The following AHSA1 variants were observed in gnomAD, a reference collection of about 807,000 sequenced individuals.
AHSA1 encodes the protein activator of 90 kDa heat shock protein ATPase homolog 1.
AHSA1 carries 14 observed loss-of-function variants against 46.1 expected under a neutral mutation model. The ratio of observed to expected loss-of-function variants is 0.30; its 90% CI spans 0.20 to 0.47. The LOEUF is 0.47. AHSA1 is among the 20% of genes least tolerant of loss of function. The pLI is 0.99. For synonymous variants in AHSA1, 147 were observed against 145.8 expected, an observed-to-expected ratio of 1.01 and a Z score of -0.06; for missense variants, 333 against 415.9, an observed-to-expected ratio of 0.80 and a Z score of 1.73.
Position 77,462,208 on chromosome 14 carries a change from A to G in AHSA1, c.320A>G (p.Asn107Ser), listed in dbSNP as rs748709479. 6.8e-6 allele frequency: 11 copies of G among 1,613,744 alleles called. No homozygotes were observed. Among genetic ancestry groups the G allele is most frequent in the East Asian group, 2.2e-5 (1 of 44,894 alleles). The change falls in exon 3 of 9, where the codon AAT becomes AGT. Residue 107 changes from asparagine (N) to serine (S), a missense_variant. Asn to Ser is a conservative substitution (Grantham distance 46). Coordinates refer to ENST00000216479, the MANE Select transcript of AHSA1 (RefSeq NM_012111.3). ...VQYKGHVEIP[N>S]LSDENSVDEV... Reference sequence around the variant, plus strand: ...TACAAAGGACATGTGGAGATCCCCAATTTGTCTGATGAAAACAGCGTGGAT... The same window carrying G: ...TACAAAGGACATGTGGAGATCCCCAGTTTGTCTGATGAAAACAGCGTGGAT...
chr14:77,469,368 C>T lies in AHSA1; in HGVS notation c.*119C>T. 1.6e-6 allele frequency: 2 copies of T among 1,255,864 alleles called. No homozygotes were observed. The highest frequency in any genetic ancestry group is 2.4e-5 in the East Asian group (1 of 42,020). The allele number at this position is 1,255,864 out of a possible 1,614,324, so 77.8% of individuals were successfully genotyped here. A position where few individuals can be genotyped will look rare whatever the true frequency, so the allele number is the denominator to read the frequency against. ...GCTAACTTGGGGCCGGGGCCCCTCC[C>T]TTCCACATATACCTTGGGTTTGTGC... On this transcript the variant is annotated 3_prime_UTR_variant, in exon 9 of 9. Transcript: ENST00000216479.
In AHSA1 at chr14:77,462,249, G is replaced by A; in HGVS notation, c.354+7G>A. 6.2e-7 allele frequency: 1 copy of A among 1,609,812 alleles called. No homozygotes were observed. The highest frequency in any genetic ancestry group is 8.5e-7 in the Non-Finnish European group (1 of 1,176,044). On this transcript the variant is annotated splice_region_variant and intron_variant, in intron 3 of 8. Transcript: ENST00000216479. ...CAGCGTGGATGAAGTGGAGGTTTGT[G>A]CTTCATAACTCCTAATCCGAGTCCT...
At position 77,462,678 on chromosome 14, in the gene AHSA1, A is replaced by G. The variant is rs1334432400; in HGVS notation, c.391A>G (p.Asn131Asp). Residue 131 changes from asparagine (N) to aspartate (D), a missense_variant, in exon 4 of 9, where the codon AAT becomes GAT. Coordinates refer to ENST00000216479, the MANE Select transcript of AHSA1 (RefSeq NM_012111.3). ...CCTTGCCAAAGATGAGCCTGACACAAATCTCGTGGCCTTAATGAAGGAAGA... is the reference window on the plus strand; with the variant it reads ...CCTTGCCAAAGATGAGCCTGACACAGATCTCGTGGCCTTAATGAAGGAAGA... ...VSLAKDEPDT[N>D]LVALMKEEGV... The G allele has an allele frequency of 6.2e-7, 1 of 1,614,104 alleles. No individual in the cohort carries two copies. The highest frequency in any genetic ancestry group is 8.5e-7 in the Non-Finnish European group (1 of 1,179,982).
chr14:77,467,201 C>A (rs1007076181), intron 6 of AHSA1, among the ~76,000 whole-genome samples: 8 of 152,058 alleles, frequency 5.3e-5, no homozygotes, highest in Non-Finnish European at 1.2e-4. Flanking sequence ...GAGTTTGAGA[C>A]CAGCCTGGCC....
chr14:77,464,796 C>A, intron 5 of AHSA1, 110 bp downstream of exon 5: 1 of 869,082 alleles, frequency 1.2e-6, no homozygotes, highest in Admixed American at 2.9e-5. Context: ...CCAGACCAGC[C>A]TGCGATCTGC....
rs200120741 is a variant in AHSA1, at chr14:77,469,173, G to A, written c.941G>A (p.Arg314Gln). The part of the protein sequence containing the change: ...GRGIPAPEEE[R>Q]TRQGWQRYYF... ...GGCATCCCTGCTCCTGAGGAAGAGC[G>A]GACGCGACAGGGCTGGCAGCGGTAC... The change falls in exon 9 of 9, where the codon CGG becomes CAG. Residue 314 changes from arginine (R) to glutamine (Q), a missense_variant. Transcript: ENST00000216479. 6.2e-6 allele frequency: 10 copies of A among 1,614,188 alleles called. No individual in the cohort carries two copies. The highest frequency in any genetic ancestry group is 4.5e-5 in the East Asian group (2 of 44,878).
chr14:77,465,529 A>G lies in AHSA1; in HGVS notation c.562-10A>G. On this transcript the variant is annotated splice_polypyrimidine_tract_variant and intron_variant, in intron 5 of 8. Transcript: ENST00000216479. ...CTCTGTATTGATCATTTTCACTGCCACCTTCACAGGCTAAGCCTGCTCCTT... is the reference window on the plus strand; with the variant it reads ...CTCTGTATTGATCATTTTCACTGCCGCCTTCACAGGCTAAGCCTGCTCCTT... The G allele has an allele frequency of 6.2e-7, 1 of 1,613,162 alleles. No individual in the cohort carries two copies. The highest frequency in any genetic ancestry group is 8.5e-7 in the Non-Finnish European group (1 of 1,179,392).
chr14:77,458,009 CG>C, upstream of AHSA1: 1 of 537,506 alleles, frequency 1.9e-6, no homozygotes, highest in South Asian at 2.5e-5. Flanking sequence ...CGGAAGTAAC[CG>C]GTGGGAGTGG....
chr14:77,460,888 G>A (rs989174082), intron 2 of AHSA1, among the ~76,000 whole-genome samples: 1 of 152,048 alleles, frequency 6.6e-6, no homozygotes, highest in African/African-American at 2.4e-5. Context: ...GGCCGGGCGT[G>A]GTGGCTAACG....
At chr14:77,467,042 C>T (rs1463214320) in intron 6 of AHSA1, among the ~76,000 whole-genome samples, 1 of 152,134 alleles carries the variant, frequency 6.6e-6, no homozygotes, top group African/African-American at 2.4e-5. Context: ...ATAGTAAAGT[C>T]TTATTAAAAG....
chr14:77,462,218 T>C lies in AHSA1; in HGVS notation c.330T>C (p.Asp110=), dbSNP rs2079028714. Residue 110 remains aspartate (D), a synonymous_variant, in exon 3 of 9, where the codon GAT becomes GAC. Transcript: ENST00000216479. The part of the protein sequence containing the change: ...KGHVEIPNLS[D]ENSVDEVEIS... ...ATGTGGAGATCCCCAATTTGTCTGATGAAAACAGCGTGGATGAAGTGGAGG... is the reference window on the plus strand; with the variant it reads ...ATGTGGAGATCCCCAATTTGTCTGACGAAAACAGCGTGGATGAAGTGGAGG... The C allele has an allele frequency of 6.2e-7, 1 of 1,613,676 alleles. No homozygotes were observed.
intron 2 of AHSA1, among the ~76,000 whole-genome samples, chr14:77,461,516 C>T (rs1477483237): frequency 1.3e-5 from 2 of 152,054 alleles, no homozygotes; most frequent in Non-Finnish European, 2.9e-5. Flanking sequence ...AGCGACAGAG[C>T]AAGACTCTGT....
chr14:77,469,062 C>A lies in AHSA1; in HGVS notation c.845-15C>A. The A allele has an allele frequency of 6.2e-7, 1 of 1,613,468 alleles. No homozygotes were observed. Among genetic ancestry groups the A allele is most frequent in the South Asian group, 1.1e-5 (1 of 91,030 alleles). On this transcript the variant is annotated splice_polypyrimidine_tract_variant and intron_variant, in intron 8 of 8. Transcript: ENST00000216479. ...AACCTAGATATGAAACCTCCGTCCC[C>A]TCTGCCTTTCCCAGGACACTTTGCC...
At chr14:77,462,338 G>C (rs961074993) in intron 3 of AHSA1, 96 bp downstream of exon 3, 5 of 1,261,842 alleles carry the variant, frequency 4.0e-6, no homozygotes, top group Non-Finnish European at 5.7e-6. Flanking sequence ...GCCCAGGCTT[G>C]GTCCAAGCAT....
chr14:77,463,031 G>T, intron 4 of AHSA1: 1 of 328,080 alleles, frequency 3.0e-6, no homozygotes, highest in Non-Finnish European at 6.0e-6. Context: ...TGTAATCCCA[G>T]CACTGTTGGA....
rs1266954231 is a variant in AHSA1 at position 77,465,425 on chromosome 14, AC to A, written c.562-111del. On this transcript the variant is annotated intron_variant, in intron 5 of 8. Coordinates refer to ENST00000216479, the MANE Select transcript of AHSA1 (RefSeq NM_012111.3). ...TCCCTTCAAACCCCTTGGAATAATT[AC>A]CCTTGGAGGTGAACATTTTTATGAG... 5 of 1,224,262 alleles carry A rather than the reference AC, an allele frequency of 4.1e-6. No homozygotes were observed. The African/African-American group carries it at 7.6e-5, about 19-fold the overall frequency. 75.8% of individuals were successfully genotyped at this position (1,224,262 alleles called of 1,614,324 possible).
At chr14:77,466,446 G>A (rs931639239) in intron 6 of AHSA1, 2 of 152,642 alleles carry the variant, frequency 1.3e-5, no homozygotes, top group African/African-American at 4.8e-5. Flanking sequence ...ACCGTATTCA[G>A]CTTTATTATC....
At position 77,461,016 on chromosome 14, in the gene AHSA1, C is replaced by T. The variant is rs181886974; in HGVS notation, c.272-1144C>T. Among the ~76,000 whole-genome samples, 31 of 151,002 alleles carry T rather than the reference C, an allele frequency of 2.1e-4. No homozygotes were observed. The East Asian group carries it at 3.9e-3, about 19-fold the overall frequency. ...CTACTAAAAATACAAAAAATTAGCC[C>T]GGCGTGGTGGCATGTGCCTGTAGTC... On this transcript the variant is annotated intron_variant, in intron 2 of 8. Coordinates refer to ENST00000216479, the MANE Select transcript of AHSA1 (RefSeq NM_012111.3).
At chr14:77,463,541 G>A (rs374740619) in intron 4 of AHSA1, among the ~76,000 whole-genome samples, 30 of 140,146 alleles carry the variant, frequency 2.1e-4, no homozygotes, top group East Asian at 9.1e-4. Context: ...AGCCAAGAAC[G>A]CGCCATTGCA....
Sources: allele counts gnomAD v4.1 joint callset (sites outside exome capture counted in the v4.1 genomes callset), GRCh38; gene constraint gnomAD v4.1.1; transcripts MANE v1.5; gene names NCBI Gene and HGNC (gene_info 2026-07-23, HGNC 2026-07-21).